FANCL: variants seen among roughly 807,000 people sequenced by gnomAD.
FANCL encodes the protein FA complementation group L, also known as E3 ubiquitin-protein ligase FANCL.
A neutral mutation model predicts 59.4 loss-of-function variants in FANCL; 69 were observed. The observed-to-expected ratio is 1.16, with a 90% CI of 0.96 to 1.42. The LOEUF (loss-of-function observed/expected upper bound fraction) is 1.42. Ranked by LOEUF, FANCL falls within the 40% of genes most tolerant of loss-of-function variation. The pLI, the probability that FANCL is intolerant of heterozygous loss-of-function variation, is 0.00. For synonymous variants in FANCL, 180 were observed against 147.1 expected (o/e 1.22, Z -1.62); for missense variants, 519 against 447.2 (o/e 1.16, Z -1.45).
rs184020155 is a variant in FANCL, at chr2:58,210,463, G to C, written c.375-6237C>G. On this transcript the variant is annotated intron_variant, in intron 5 of 13. Coordinates refer to ENST00000233741, the MANE Select transcript of FANCL (RefSeq NM_018062.4). ...ACTGTGGGAGTACAATTCAAGATGA[G>C]ACTTGGGTAGGGACACAGAGTCAAA... Among the ~76,000 whole-genome samples, 5 of 152,254 alleles carry C rather than the reference G, an allele frequency of 3.3e-5. No individual in the cohort carries two copies. In the East Asian group the frequency reaches 5.8e-4, roughly 18 times the overall value.
At chr2:58,167,149 T>C (rs960883583) in intron 7 of FANCL, among the ~76,000 whole-genome samples, 1 of 152,044 alleles carries the variant, frequency 6.6e-6, no homozygotes, top group Non-Finnish European at 1.5e-5. Context: ...GAGGCAGAGG[T>C]TGCAGTGGGC....
At chr2:58,170,238 T>C (rs956399075) in intron 7 of FANCL, among the ~76,000 whole-genome samples, 2 of 152,198 alleles carry the variant, frequency 1.3e-5, no homozygotes, top group Non-Finnish European at 2.9e-5. Context: ...TATTTAATAT[T>C]CTTAAAGAAA....
intron 7 of FANCL, among the ~76,000 whole-genome samples, chr2:58,172,783 C>T (rs1285387323): frequency 2.0e-5 from 3 of 152,170 alleles, no homozygotes; most frequent in Admixed American, 1.3e-4. Flanking sequence ...CAAAGCTGGA[C>T]AGAGAATGAC....
At chr2:58,175,454 T>C (rs1352737013) in intron 7 of FANCL, among the ~76,000 whole-genome samples, 1 of 151,510 alleles carries the variant, frequency 6.6e-6, no homozygotes, top group African/African-American at 2.5e-5. Flanking sequence ...GTGGGCTTCA[T>C]CCCTGGGATG....
intron 7 of FANCL, among the ~76,000 whole-genome samples, chr2:58,168,796 C>T (rs1189187403): frequency 1.3e-5 from 2 of 152,012 alleles, no homozygotes; most frequent in African/African-American, 2.4e-5. Flanking sequence ...GGCTTGAGTA[C>T]GTGGTTTACC....
chr2:58,221,855 T>C, intron 5 of FANCL, 87 bp downstream of exon 5: 1 of 890,574 alleles, frequency 1.1e-6, no homozygotes, highest in Non-Finnish European at 1.8e-6. Flanking sequence ...TTGACTAAAA[T>C]CAGGTATAAA....
intron 2 of FANCL, among the ~76,000 whole-genome samples, chr2:58,230,107 T>C (rs1224193371): frequency 1.3e-5 from 2 of 152,186 alleles, no homozygotes; most frequent in Non-Finnish European, 2.9e-5. Context: ...ACAGTACATC[T>C]TGTTTTTTAA....
chr2:58,222,025 A>G lies in FANCL; in HGVS notation c.291T>C (p.Asn97=). The change falls in exon 5 of 14, where the codon AAT becomes AAC. Residue 97 remains asparagine, a synonymous_variant. Transcript: ENST00000233741. Reference sequence around the variant, plus strand: ...GAGGTAGTGCATACAGCTCTTGTCTATTCTTTAAGGCAACTTCCTGTTTAA... The same window carrying G: ...GAGGTAGTGCATACAGCTCTTGTCTGTTCTTTAAGGCAACTTCCTGTTTAA... ...LKMLLEVALK[N]RQELYALPPP... The G allele has an allele frequency of 6.2e-7, 1 of 1,613,150 alleles. No homozygotes were observed. The highest frequency in any genetic ancestry group is 1.7e-4 in the Middle Eastern group (1 of 6,056).
intron 5 of FANCL, among the ~76,000 whole-genome samples, chr2:58,217,004 A>C (rs1240755850): frequency 1.3e-5 from 2 of 150,148 alleles, no homozygotes; most frequent in African/African-American, 2.5e-5. Flanking sequence ...GCAGAGACTA[A>C]GGAGGGGAAT....
chr2:58,177,263 C>T (rs1005388553), intron 7 of FANCL, among the ~76,000 whole-genome samples: 3 of 152,098 alleles, frequency 2.0e-5, no homozygotes, highest in Admixed American at 1.3e-4. Flanking sequence ...CCATTTGACC[C>T]AGCCATCCCA....
At chr2:58,217,205 TATATATATATACACAC>T (rs1299429034) in intron 5 of FANCL, among the ~76,000 whole-genome samples, 181 of 8,854 alleles carry the variant, frequency 0.02, 1 homozygote, top group South Asian at 0.076. Flanking sequence ...TATATATATA[TATATATATATACACAC>T]ACACACACAC....
chr2:58,226,909 A>AT, intron 3 of FANCL, 125 bp from the exon 4 acceptor site: 1 of 779,852 alleles, frequency 1.3e-6, no homozygotes, highest in Non-Finnish European at 2.1e-6. Context: ...TCTGAAAACT[A>AT]TAAGAAATGA....
chr2:58,161,438 T>G, intron 12 of FANCL, 84 bp downstream of exon 12: 1 of 899,082 alleles, frequency 1.1e-6, no homozygotes. Context: ...ACTCAACAGA[T>G]TTTAGATTCT....
intron 11 of FANCL, among the ~76,000 whole-genome samples, chr2:58,161,938 T>C (rs181011049): frequency 5.3e-5 from 8 of 152,034 alleles, no homozygotes; most frequent in South Asian, 4.1e-4. Flanking sequence ...ATAGGAAATA[T>C]AATTACATTA....
intron 5 of FANCL, among the ~76,000 whole-genome samples, chr2:58,210,759 G>A (rs1267538516): frequency 6.6e-6 from 1 of 152,174 alleles, no homozygotes; most frequent in Admixed American, 6.5e-5. Flanking sequence ...AAACAAAGGA[G>A]CTACAGGCCC....
chr2:58,161,693 G>A (rs1254120659), intron 11 of FANCL, 55 bp from the exon 12 acceptor site: 2 of 1,166,202 alleles, frequency 1.7e-6, no homozygotes, highest in African/African-American at 3.1e-5. Context: ...CTTATTCGTT[G>A]TACATATTTG....
intron 7 of FANCL, among the ~76,000 whole-genome samples, chr2:58,187,895 T>C (rs546555031): frequency 6.6e-5 from 10 of 152,310 alleles, no homozygotes; most frequent in African/African-American, 2.2e-4. Flanking sequence ...ATTCTCTTAA[T>C]AGTGTCTTTC....
rs544236206 is a variant in FANCL at position 58,171,401 on chromosome 2, C to G, written c.541-5527G>C. On this transcript the variant is annotated intron_variant, in intron 7 of 13. Coordinates refer to ENST00000233741, the MANE Select transcript of FANCL (RefSeq NM_018062.4). The stretch of plus-strand genomic sequence containing the variant: ...GCAGTGTTTCAAGGGAAATTTATAA[C>G]GAAATGCCCACATGAGAAAGCAGAA... Among the ~76,000 whole-genome samples the G allele has an allele frequency of 8.5e-5, 13 of 152,224 alleles. No homozygotes were observed. In the South Asian group the frequency reaches 2.7e-3, roughly 32 times the overall value.
chr2:58,206,379 AAGAATAAGACTG>A (rs1355100904), intron 5 of FANCL, among the ~76,000 whole-genome samples: 3 of 152,170 alleles, frequency 2.0e-5, no homozygotes, highest in Non-Finnish European at 4.4e-5. Context: ...ATTTGTCTCA[AAGAATAAGACTG>A]GGGATAGAAA....
Sources: gnomAD v4.1 joint callset for allele counts (sites outside exome capture counted in the v4.1 genomes callset) on GRCh38, gnomAD v4.1.1 for gene constraint, MANE v1.5 for transcripts, NCBI Gene and HGNC (gene_info 2026-07-23, HGNC 2026-07-21) for gene names.